Variants in PHACTR2 observed in about 807,000 individuals in gnomAD.
The protein encoded by PHACTR2 is phosphatase and actin regulator 2.
A neutral mutation model predicts 76.0 loss-of-function variants in PHACTR2; 30 were observed. The ratio of observed to expected loss-of-function variants is 0.39; its 90% CI spans 0.30 to 0.54. The LOEUF (loss-of-function observed/expected upper bound fraction) is 0.54. Among genes scored for constraint, PHACTR2 ranks in the 20% least tolerant of loss-of-function variants. The pLI is 0.61. For missense variants in PHACTR2, 696 were observed against 781.1 expected (o/e 0.89, Z 1.30); for synonymous variants, 292 against 292.5 (o/e 1.00, Z 0.02).
chr6:143,706,637 G>A (rs953366414), intron 1 of PHACTR2, among the ~76,000 whole-genome samples: 1 of 152,200 alleles, frequency 6.6e-6, no homozygotes, highest in South Asian at 2.1e-4. Flanking sequence ...TGCACCCCGT[G>A]TGATGCCACA....
Position 143,652,477 on chromosome 6 carries a change from AT to A in PHACTR2, c.13+44156del, listed in dbSNP as rs1776780500. On this transcript the variant is annotated intron_variant, in intron 1 of 11. Coordinates refer to the PHACTR2 transcript ENST00000305766. The surrounding 1 kb of genome is among the most constrained non-coding windows in gnomAD (Gnocchi z 4.5). ...GGACATTTGAGCTGGCATTACTTAA[AT>A]GAGAATCTCTTCAAAGTGATGCACG... Among the ~76,000 whole-genome samples, 1 of 152,212 alleles carries A rather than the reference AT, an allele frequency of 6.6e-6. No homozygotes were observed. Among genetic ancestry groups the A allele is most frequent in the South Asian group, 2.1e-4 (1 of 4,834 alleles).
rs140558522 is a variant in PHACTR2, at chr6:143,647,203, G to A, written c.13+38881G>A. ...TACTAAGTATTATCTATTATAATATGTGTTTTGCATCCCTTTCTGTGATGT... is the reference window on the plus strand; with the variant it reads ...TACTAAGTATTATCTATTATAATATATGTTTTGCATCCCTTTCTGTGATGT... On this transcript the variant is annotated intron_variant, in intron 1 of 11. Coordinates refer to the PHACTR2 transcript ENST00000305766. This position sits in a 1 kb window ranked among gnomAD's most constrained non-coding sequence, Gnocchi z 4.2. Among the ~76,000 whole-genome samples the A allele has an allele frequency of 7.2e-5, 11 of 152,306 alleles. No individual in the cohort carries two copies. The East Asian group carries it at 2.1e-3, about 29-fold the overall frequency.
At chr6:143,609,051 G>A (rs1775934579) in intron 1 of PHACTR2, among the ~76,000 whole-genome samples, 1 of 152,156 alleles carries the variant, frequency 6.6e-6, no homozygotes, top group Non-Finnish European at 1.5e-5. Context: ...CACTCAAGCA[G>A]AATTCTCCCA....
chr6:143,537,095 G>A lies in PHACTR2; in HGVS notation c.105G>A (p.Ala35=). 4.1e-6 allele frequency: 1 copy of A among 242,128 alleles called. No homozygotes were observed. The highest frequency in any genetic ancestry group is 8.1e-6 in the Non-Finnish European group (1 of 123,890). 15.0% of individuals were successfully genotyped at this position (242,128 alleles called of 1,614,324 possible). A position where few individuals can be genotyped will look rare whatever the true frequency, so the allele number is the denominator to read the frequency against. ...CCGAGGCGCCCGCCCCGCCGGCGGC[G>A]CCTGCCCTGCGCTGGCTTCCCGGGG... The change falls in exon 1 of 12, where the codon GCG becomes GCA. Residue 35 remains alanine, a synonymous_variant. Transcript: ENST00000367584. This position sits in a 1 kb window ranked among gnomAD's most constrained non-coding sequence, Gnocchi z 4.4.
intron 1 of PHACTR2, among the ~76,000 whole-genome samples, chr6:143,661,172 G>A (rs1056753382): frequency 8.5e-5 from 13 of 152,114 alleles, no homozygotes; most frequent in East Asian, 3.8e-4. Flanking sequence ...TATTTAAGGT[G>A]GGAACAAAGT....
At position 143,597,099 on chromosome 6, in the gene PHACTR2, G is replaced by A. The variant is rs1035069332; in HGVS notation, c.217+59892G>A. 1.3e-5 allele frequency among the ~76,000 whole-genome samples: 2 copies of A among 152,150 alleles called. No individual in the cohort carries two copies. Among genetic ancestry groups the A allele is most frequent in the African/African-American group, 4.8e-5 (2 of 41,440 alleles). On this transcript the variant is annotated intron_variant, in intron 1 of 11. Coordinates refer to the PHACTR2 transcript ENST00000367584. This position sits in a 1 kb window ranked among gnomAD's most constrained non-coding sequence, Gnocchi z 5.7. ...CTCTGGATCTTTCTACACTTGGCAT[G>A]TATTTTCCCCTCTGTGTTCTCACGC...
chr6:143,587,128 T>C (rs1775638728), intron 1 of PHACTR2, among the ~76,000 whole-genome samples: 1 of 152,230 alleles, frequency 6.6e-6, no homozygotes, highest in Non-Finnish European at 1.5e-5. Context: ...TCTTTGAGGC[T>C]GAAGCAAGTT....
chr6:143,612,688 C>A (rs891809252), intron 1 of PHACTR2, among the ~76,000 whole-genome samples: 5 of 152,008 alleles, frequency 3.3e-5, no homozygotes, highest in African/African-American at 1.2e-4. Context: ...TGTGTGGATT[C>A]TTTATTTAGG....
In PHACTR2 at chr6:143,765,246, G is replaced by A. The variant is rs372847326; in HGVS notation, c.695-15G>A. On this transcript the variant is annotated splice_polypyrimidine_tract_variant and intron_variant, in intron 5 of 12. Coordinates refer to ENST00000440869, the MANE Select transcript of PHACTR2 (RefSeq NM_001100164.2). The surrounding 1 kb of genome is among the most constrained non-coding windows in gnomAD (Gnocchi z 4.1). ...GTATTCTTTGATTTTTTAATGCAAG[G>A]TCTCTCTATTGTAGCTGGCTCCTCT... 1.4e-4 allele frequency: 227 copies of A among 1,583,170 alleles called. No individual in the cohort carries two copies. In the Middle Eastern group the frequency reaches 4.8e-3, roughly 33 times the overall value.
At chr6:143,564,825 A>C (rs1333253536) in intron 1 of PHACTR2, among the ~76,000 whole-genome samples, 1 of 152,230 alleles carries the variant, frequency 6.6e-6, no homozygotes, top group African/African-American at 2.4e-5. Context: ...CAACCTCAGC[A>C]AAATGAAAAC....
rs571474746 is a variant in PHACTR2, at chr6:143,742,733, C to A, written c.215-6252C>A. On this transcript the variant is annotated intron_variant, in intron 2 of 12. Coordinates refer to ENST00000440869, the MANE Select transcript of PHACTR2 (RefSeq NM_001100164.2). This position sits in a 1 kb window ranked among gnomAD's most constrained non-coding sequence, Gnocchi z 4.5. ...TAGACATGCCTTTCCTCCTTCCCCC[C>A]AAAAAGACACTTAGGTCCCCAATAT... Among the ~76,000 whole-genome samples the A allele has an allele frequency of 6.6e-6, 1 of 152,166 alleles. No individual in the cohort carries two copies. The highest frequency in any genetic ancestry group is 2.4e-5 in the African/African-American group (1 of 41,524).
chr6:143,715,059 C>T (rs761415749), intron 2 of PHACTR2, among the ~76,000 whole-genome samples: 4 of 152,208 alleles, frequency 2.6e-5, no homozygotes, highest in Admixed American at 6.5e-5. Flanking sequence ...CCTCTACTTT[C>T]TTTCTTCCCA....
rs549144839 is a variant in PHACTR2, at chr6:143,678,155, A to T, written c.-9A>T. The T allele has an allele frequency of 1.2e-5, 19 of 1,544,168 alleles. No individual in the cohort carries two copies. The South Asian group carries it at 2.3e-4, about 18-fold the overall frequency. On this transcript the variant is annotated 5_prime_UTR_variant, in exon 1 of 13. Transcript: ENST00000440869. This position sits in a 1 kb window ranked among gnomAD's most constrained non-coding sequence, Gnocchi z 6.2. The stretch of plus-strand genomic sequence containing the variant: ...CTTGATCGCTGGACCTGGCCCTGCG[A>T]CCCCAGTCATGGGCCAGACCTCGGT...
rs568344653 is a variant in PHACTR2, at chr6:143,697,176, G to A, written c.47-14840G>A. On this transcript the variant is annotated intron_variant, in intron 1 of 12. Transcript: ENST00000440869. The surrounding 1 kb of genome is among the most constrained non-coding windows in gnomAD (Gnocchi z 4.4). ...TTATAGTTTTCTATATTGTTCCACT[G>A]TTTTCTAAGAGATTCACATTCTCGT... 6.6e-6 allele frequency among the ~76,000 whole-genome samples: 1 copy of A among 152,250 alleles called. No homozygotes were observed. Among genetic ancestry groups the A allele is most frequent in the African/African-American group, 2.4e-5 (1 of 41,548 alleles).
Position 143,710,913 on chromosome 6 carries a change from C to G in PHACTR2, c.47-1103C>G, listed in dbSNP as rs895322059. On this transcript the variant is annotated intron_variant, in intron 1 of 12. Coordinates refer to ENST00000440869, the MANE Select transcript of PHACTR2 (RefSeq NM_001100164.2). This position sits in a 1 kb window ranked among gnomAD's most constrained non-coding sequence, Gnocchi z 4.9. Reference sequence around the variant, plus strand: ...ATATTTTACTTTATTGCACTTTTATCCATCTGCCTTTTCCATCTATCTATC... The same window carrying G: ...ATATTTTACTTTATTGCACTTTTATGCATCTGCCTTTTCCATCTATCTATC... 2.4e-6 allele frequency: 1 copy of G among 415,074 alleles called. No homozygotes were observed. The highest frequency in any genetic ancestry group is 4.6e-6 in the Non-Finnish European group (1 of 216,788). 25.7% of individuals were successfully genotyped at this position (415,074 alleles called of 1,614,324 possible). A position where few individuals can be genotyped will look rare whatever the true frequency, so the allele number is the denominator to read the frequency against.
At chr6:143,813,810 T>C (rs1027707540) in intron 12 of PHACTR2, among the ~76,000 whole-genome samples, 3 of 152,164 alleles carry the variant, frequency 2.0e-5, no homozygotes, top group African/African-American at 7.2e-5. Context: ...AGAAGTTTTC[T>C]CATGTTGAGA....
rs144819602 is a variant in PHACTR2 at position 143,627,472 on chromosome 6, C to T, written c.13+19150C>T. Among the ~76,000 whole-genome samples the T allele has an allele frequency of 2.0e-5, 3 of 152,208 alleles. No individual in the cohort carries two copies. Among genetic ancestry groups the T allele is most frequent in the African/African-American group, 7.2e-5 (3 of 41,528 alleles). ...TCAGCTACTACGTCAGGTAGCCTTG[C>T]GGAATTCAAGAGTCTTTCCCCATCT... On this transcript the variant is annotated intron_variant, in intron 1 of 11. Transcript: ENST00000305766. This position sits in a 1 kb window ranked among gnomAD's most constrained non-coding sequence, Gnocchi z 4.3.
chr6:143,651,036 C>T (rs1045483278), intron 1 of PHACTR2, among the ~76,000 whole-genome samples: 3 of 151,712 alleles, frequency 2.0e-5, no homozygotes, highest in Admixed American at 1.3e-4. Context: ...AGGACATGAA[C>T]AGACACTTTT....
intron 2 of PHACTR2, among the ~76,000 whole-genome samples, chr6:143,725,590 G>T (rs1168850908): frequency 6.6e-6 from 1 of 151,632 alleles, no homozygotes; most frequent in Non-Finnish European, 1.5e-5. Flanking sequence ...GTTGTTTCAA[G>T]AATGTCATAG....
Sources: gnomAD v4.1 joint callset for allele counts (sites outside exome capture counted in the v4.1 genomes callset) on GRCh38, gnomAD v4.1.1 for gene constraint, Gnocchi (gnomAD v3.1) non-coding constraint, MANE v1.5 for transcripts, NCBI Gene and HGNC (gene_info 2026-07-23, HGNC 2026-07-21) for gene names.